DNAJC6: variants seen among roughly 807,000 people sequenced by gnomAD.
DNAJC6 encodes the protein DnaJ heat shock protein family (Hsp40) member C6, also known as auxilin.
In DNAJC6, 34 loss-of-function variants were observed where a neutral mutation model predicts 110.0. The ratio of observed to expected loss-of-function variants is 0.31; its 90% CI spans 0.24 to 0.41. DNAJC6 has a LOEUF of 0.41. Among genes scored for constraint, DNAJC6 ranks in the 10% least tolerant of loss-of-function variants. The pLI is 1.00. For missense variants in DNAJC6, 1,031 were observed against 1,207.8 expected (o/e 0.85, Z 2.17); for synonymous variants, 406 against 437.2 (o/e 0.93, Z 0.89).
chr1:65,316,272 T>C (rs1645147841), intron 1 of DNAJC6, among the ~76,000 whole-genome samples: 1 of 152,180 alleles, frequency 6.6e-6, no homozygotes, highest in South Asian at 2.1e-4. Flanking sequence ...TGTTTTTGCA[T>C]ACACTGTTCT....
chr1:65,278,041 A>AAAAAGTATTTTTTAG (rs1553132895), intron 1 of DNAJC6, among the ~76,000 whole-genome samples: 1 of 152,348 alleles, frequency 6.6e-6, no homozygotes, highest in African/African-American at 2.4e-5. Flanking sequence ...GTATTTTTTA[A>AAAAAGTATTTTTTAG]AAAAGTAATT....
chr1:65,302,105 A>G (rs12064350), intron 1 of DNAJC6, among the ~76,000 whole-genome samples: 73,272 of 117,842 alleles, frequency 0.62, 19,353 homozygotes, highest in African/African-American at 0.67. Flanking sequence ...TATATAATAT[A>G]TAATATATAT....
intron 15 of DNAJC6, 31 bp downstream of exon 15, chr1:65,401,911 A>G: frequency 6.2e-7 from 1 of 1,610,262 alleles, no homozygotes; most frequent in Admixed American, 1.7e-5. Context: ...GATACAAATA[A>G]CATTTATTTA....
At chr1:65,357,755 G>T (rs1645557555) in intron 1 of DNAJC6, among the ~76,000 whole-genome samples, 1 of 152,220 alleles carries the variant, frequency 6.6e-6, no homozygotes, top group Admixed American at 6.5e-5. Flanking sequence ...TGAGAAACTT[G>T]TGTGGCTGTG....
intron 16 of DNAJC6, among the ~76,000 whole-genome samples, chr1:65,406,959 G>C (rs1646082815): frequency 6.6e-6 from 1 of 152,140 alleles, no homozygotes; most frequent in African/African-American, 2.4e-5. Flanking sequence ...AGTCCTTACT[G>C]TATGGCAGGT....
rs746217860 is a variant in DNAJC6 at position 65,392,815 on chromosome 1, G to A, written c.1853G>A (p.Arg618His). ...CCTGCGTCTACCCAGTCAACACCACGCCGCTCTGCCACCTCCACCTCTGCG... is the reference window on the plus strand; with the variant it reads ...CCTGCGTCTACCCAGTCAACACCACACCGCTCTGCCACCTCCACCTCTGCG... The part of the protein sequence containing the change: ...SGPASTQSTP[R>H]RSATSTSASP... The change falls in exon 12 of 19, where the codon CGC becomes CAC. Residue 618 changes from arginine (R) to histidine (H), a missense_variant. Coordinates refer to ENST00000371069, the MANE Select transcript of DNAJC6 (RefSeq NM_001256864.2). 18 of 1,568,208 alleles carry A rather than the reference G, an allele frequency of 1.1e-5. No individual in the cohort carries two copies. In the East Asian group the frequency reaches 1.4e-4, roughly 12 times the overall value.
intron 1 of DNAJC6, among the ~76,000 whole-genome samples, chr1:65,342,016 TG>T (rs1458435953): frequency 6.6e-6 from 1 of 152,190 alleles, no homozygotes; most frequent in Admixed American, 6.5e-5. Context: ...TATCTGTTCT[TG>T]CAAATATCCT....
At chr1:65,407,472 C>T (rs949162398) in intron 16 of DNAJC6, among the ~76,000 whole-genome samples, 7 of 152,168 alleles carry the variant, frequency 4.6e-5, no homozygotes, top group East Asian at 1.9e-4. Flanking sequence ...AGCCAGGATT[C>T]GAACCCTGGC....
At chr1:65,295,075 G>A (rs1644916321) in intron 1 of DNAJC6, among the ~76,000 whole-genome samples, 1 of 152,170 alleles carries the variant, frequency 6.6e-6, no homozygotes, top group African/African-American at 2.4e-5. Flanking sequence ...TAACTTCAGT[G>A]TATTGAGCTA....
chr1:65,391,934 T>A (rs975513761), intron 11 of DNAJC6, among the ~76,000 whole-genome samples: 1 of 152,146 alleles, frequency 6.6e-6, no homozygotes, highest in East Asian at 1.9e-4. Flanking sequence ...CACGCCACCA[T>A]GTGCAGCTAA....
chr1:65,381,564 G>A (rs565326861), intron 5 of DNAJC6, among the ~76,000 whole-genome samples: 6 of 150,372 alleles, frequency 4.0e-5, no homozygotes, highest in African/African-American at 1.2e-4. Flanking sequence ...AAAAAAAAAT[G>A]ATAATAACAA....
At chr1:65,297,857 T>G (rs1644942503) in intron 1 of DNAJC6, among the ~76,000 whole-genome samples, 1 of 152,144 alleles carries the variant, frequency 6.6e-6, no homozygotes, top group African/African-American at 2.4e-5. Flanking sequence ...TTTTCAGACC[T>G]TGCATTCTGA....
At chr1:65,372,418 A>G (rs1645715877) in intron 4 of DNAJC6, among the ~76,000 whole-genome samples, 1 of 152,078 alleles carries the variant, frequency 6.6e-6, no homozygotes, top group South Asian at 2.1e-4. Flanking sequence ...AGCACCTACC[A>G]TATGAGCAAC....
chr1:65,366,237 G>A, intron 4 of DNAJC6, 41 bp downstream of exon 4: 2 of 1,605,270 alleles, frequency 1.2e-6, no homozygotes, highest in Middle Eastern at 1.7e-4. Context: ...TTGAAGACGT[G>A]ATGGTGCTTT....
intron 1 of DNAJC6, among the ~76,000 whole-genome samples, chr1:65,318,860 A>C (rs1645171453): frequency 6.6e-6 from 1 of 152,230 alleles, no homozygotes; most frequent in Non-Finnish European, 1.5e-5. Flanking sequence ...ACTTAAAATA[A>C]AAGTTGAAGG....
rs796797174 is a variant in DNAJC6 at position 65,380,916 on chromosome 1, G to GTTTTTTTTTTTTTTTTTTTTTTTTTT, written c.666+1396_666+1397insTTTTTTTTTTTTTTTTTTTTTTTTTT. 3.1e-4 allele frequency among the ~76,000 whole-genome samples: 29 copies of GTTTTTTTTTTTTTTTTTTTTTTTTTT among 93,522 alleles called. 4 individuals carry two copies. The highest frequency in any genetic ancestry group is 1.1e-3 in the African/African-American group (16 of 15,050). The allele number at this position is 93,522 out of a possible 152,430, so 61.4% of individuals were successfully genotyped here. A position where few individuals can be genotyped will look rare whatever the true frequency, so the allele number is the denominator to read the frequency against. On this transcript the variant is annotated intron_variant, in intron 5 of 18. Transcript: ENST00000371069. Reference sequence around the variant, plus strand: ...TTTTTTTTTTTTTGTTTTTTGTTTTGTTTTGTTTTTTTTTTTTTTTTGGGA... The same window carrying GTTTTTTTTTTTTTTTTTTTTTTTTTT: ...TTTTTTTTTTTTTGTTTTTTGTTTTGTTTTTTTTTTTTTTTTTTTTTTTTTTTTTTGTTTTTTTTTTTTTTTTGGGA...
intron 1 of DNAJC6, among the ~76,000 whole-genome samples, chr1:65,322,788 G>A (rs1645208629): frequency 6.6e-6 from 1 of 152,094 alleles, no homozygotes; most frequent in South Asian, 2.1e-4. Flanking sequence ...TTAATCTTTG[G>A]TAGACTCATA....
Position 65,413,055 on chromosome 1 carries a change from C to A in DNAJC6, c.*30C>A. 1.3e-6 allele frequency: 2 copies of A among 1,594,598 alleles called. No homozygotes were observed. Among genetic ancestry groups the A allele is most frequent in the South Asian group, 2.2e-5 (2 of 90,410 alleles). ...TGAGCTTTTCCATCTCTGCTGCAGA[C>A]CTGTGCTAATGCTTAGTGTGTGTCA... On this transcript the variant is annotated 3_prime_UTR_variant, in exon 19 of 19. Coordinates refer to ENST00000371069, the MANE Select transcript of DNAJC6 (RefSeq NM_001256864.2).
At chr1:65,272,619 T>C (rs1337850588) in intron 1 of DNAJC6, among the ~76,000 whole-genome samples, 3 of 152,254 alleles carry the variant, frequency 2.0e-5, no homozygotes, top group Admixed American at 6.5e-5. Context: ...TCTTTAAATG[T>C]CTGGAAGAAT....
Sources: allele counts gnomAD v4.1 joint callset (sites outside exome capture counted in the v4.1 genomes callset), GRCh38; gene constraint gnomAD v4.1.1; transcripts MANE v1.5; gene names NCBI Gene and HGNC (gene_info 2026-07-23, HGNC 2026-07-21).